The following TGFBR2 variants were observed in gnomAD, a reference collection of about 807,000 sequenced individuals.
TGFBR2 encodes transforming growth factor beta receptor 2, also known as TGF-beta receptor type-2.
A neutral mutation model predicts 49.0 loss-of-function variants in TGFBR2; 18 were observed. That is an observed-to-expected ratio of 0.37 (90% CI 0.25 to 0.54). The LOEUF (loss-of-function observed/expected upper bound fraction) is 0.54. TGFBR2 is among the 20% of genes least tolerant of loss of function. The pLI, the probability that TGFBR2 is intolerant of heterozygous loss-of-function variation, is 0.85. For synonymous variants in TGFBR2, 282 were observed against 275.9 expected, an observed-to-expected ratio of 1.02 and a Z score of -0.22; for missense variants, 525 against 722.6, an observed-to-expected ratio of 0.73 and a Z score of 3.13.
intron 3 of TGFBR2, among the ~76,000 whole-genome samples, chr3:30,663,640 CTA>C (rs1699187137): frequency 1.3e-5 from 2 of 152,112 alleles, no homozygotes; most frequent in African/African-American, 4.8e-5. Context: ...AAAATGATAA[CTA>C]TAAAAGCCAG....
chr3:30,690,932 A>G (rs536594508), intron 6 of TGFBR2, among the ~76,000 whole-genome samples: 1 of 152,348 alleles, frequency 6.6e-6, no homozygotes, highest in African/African-American at 2.4e-5. Context: ...TAACAAATGT[A>G]CCTCATAGAT....
At chr3:30,689,975 A>G (rs1440474480) in intron 6 of TGFBR2, among the ~76,000 whole-genome samples, 4 of 152,348 alleles carry the variant, frequency 2.6e-5, no homozygotes, top group Non-Finnish European at 4.4e-5. Context: ...TCTACTCTTA[A>G]CAGGGCCATC....
At chr3:30,651,116 G>A (rs1559459210) in intron 3 of TGFBR2, among the ~76,000 whole-genome samples, 2 of 152,190 alleles carry the variant, frequency 1.3e-5, no homozygotes, top group Non-Finnish European at 2.9e-5. Flanking sequence ...TACTCAGCTT[G>A]AAAGGAAGGC....
intron 1 of TGFBR2, among the ~76,000 whole-genome samples, chr3:30,624,287 A>T (rs1484953944): frequency 6.6e-6 from 1 of 152,170 alleles, no homozygotes; most frequent in Non-Finnish European, 1.5e-5. Context: ...AACAGAGCCT[A>T]CCTCTATGAC....
intron 1 of TGFBR2, among the ~76,000 whole-genome samples, chr3:30,615,941 C>T (rs984742194): frequency 6.6e-6 from 1 of 151,958 alleles, no homozygotes; most frequent in African/African-American, 2.4e-5. Context: ...TGGTGTCTTA[C>T]TATGTACCAA....
At chr3:30,635,720 A>C (rs1293805997) in intron 1 of TGFBR2, among the ~76,000 whole-genome samples, 3 of 152,220 alleles carry the variant, frequency 2.0e-5, no homozygotes, top group African/African-American at 7.2e-5. Flanking sequence ...ATCATTCCTT[A>C]ATCCCTTAAT....
chr3:30,628,135 CTG>C (rs1414460212), intron 1 of TGFBR2, among the ~76,000 whole-genome samples: 2 of 125,728 alleles, frequency 1.6e-5, no homozygotes, highest in Non-Finnish European at 3.3e-5. Flanking sequence ...TTTTAATCAT[CTG>C]TGTTTTTAGT....
At chr3:30,670,927 C>T (rs574056306) in intron 3 of TGFBR2, among the ~76,000 whole-genome samples, 2 of 152,368 alleles carry the variant, frequency 1.3e-5, no homozygotes, top group Admixed American at 6.5e-5. Flanking sequence ...ATGGACTCCT[C>T]TCCCTGTCAC....
chr3:30,660,163 T>C (rs1249856810), intron 3 of TGFBR2, among the ~76,000 whole-genome samples: 3 of 152,216 alleles, frequency 2.0e-5, no homozygotes, highest in Non-Finnish European at 4.4e-5. Context: ...ATATATGCCT[T>C]TTGTTGCCTA....
At chr3:30,665,954 T>C (rs1559464816) in intron 3 of TGFBR2, among the ~76,000 whole-genome samples, 2 of 152,366 alleles carry the variant, frequency 1.3e-5, no homozygotes, top group Admixed American at 1.3e-4. Flanking sequence ...AATAATGCTT[T>C]AAATAACAAT....
At chr3:30,617,644 A>C (rs1320935642) in intron 1 of TGFBR2, among the ~76,000 whole-genome samples, 1 of 152,018 alleles carries the variant, frequency 6.6e-6, no homozygotes, top group African/African-American at 2.4e-5. Flanking sequence ...ATTACATTTT[A>C]TGAGTTATTA....
chr3:30,684,097 A>G (rs888131455), intron 5 of TGFBR2, among the ~76,000 whole-genome samples: 2 of 152,070 alleles, frequency 1.3e-5, no homozygotes, highest in African/African-American at 4.8e-5. Flanking sequence ...GTCATCCTAC[A>G]AGTCCTAATG....
Position 30,691,839 on chromosome 3 carries a change from T to C in TGFBR2, c.*240T>C. ...GTTAGCACTTCCTCAGGAAATGAGA[T>C]TGATTTTTACAATAGCCAATAACAT... On this transcript the variant is annotated 3_prime_UTR_variant, in exon 7 of 7. Coordinates refer to ENST00000295754, the MANE Select transcript of TGFBR2 (RefSeq NM_003242.6). 1 of 527,290 alleles carries C rather than the reference T, an allele frequency of 1.9e-6. No homozygotes were observed. Among genetic ancestry groups the C allele is most frequent in the Non-Finnish European group, 3.4e-6 (1 of 290,794 alleles). The allele number at this position is 527,290 out of a possible 1,614,324, so 32.7% of individuals were successfully genotyped here.
intron 1 of TGFBR2, among the ~76,000 whole-genome samples, chr3:30,628,722 T>C (rs571714854): frequency 1.3e-5 from 2 of 152,074 alleles, no homozygotes; most frequent in South Asian, 2.1e-4. Flanking sequence ...GGCTCAGGGA[T>C]TTGCATTTTG....
intron 3 of TGFBR2, among the ~76,000 whole-genome samples, chr3:30,657,422 A>AGAGGGCAGGGCT (rs1190792089): frequency 6.6e-6 from 1 of 152,184 alleles, no homozygotes; most frequent in East Asian, 1.9e-4. Context: ...GGAAGACAAC[A>AGAGGGCAGGGCT]GAGGGCAGGG....
chr3:30,647,975 C>A (rs1291322417), intron 2 of TGFBR2, among the ~76,000 whole-genome samples: 1 of 152,152 alleles, frequency 6.6e-6, no homozygotes, highest in Non-Finnish European at 1.5e-5. Context: ...CCGTGCCCAG[C>A]CTCCAAAATT....
At chr3:30,690,792 A>G (rs1191217221) in intron 6 of TGFBR2, among the ~76,000 whole-genome samples, 1 of 152,220 alleles carries the variant, frequency 6.6e-6, no homozygotes, top group East Asian at 1.9e-4. Context: ...ATTCCGCATG[A>G]TACTATAATG....
chr3:30,677,804 C>G (rs892094360), intron 5 of TGFBR2, among the ~76,000 whole-genome samples: 6 of 152,164 alleles, frequency 3.9e-5, no homozygotes, highest in African/African-American at 1.4e-4. Flanking sequence ...CCTCAAGAAG[C>G]TTGTAGTCTA....
intron 3 of TGFBR2, among the ~76,000 whole-genome samples, chr3:30,667,042 A>G (rs1699259375): frequency 6.6e-6 from 1 of 152,212 alleles, no homozygotes; most frequent in Admixed American, 6.5e-5. Flanking sequence ...CATTGTAAAT[A>G]CCAGCTTTGC....
Sources: allele counts gnomAD v4.1 joint callset (sites outside exome capture counted in the v4.1 genomes callset), GRCh38; gene constraint gnomAD v4.1.1; transcripts MANE v1.5; gene names NCBI Gene and HGNC (gene_info 2026-07-23, HGNC 2026-07-21).